The following PTPRR variants were observed in gnomAD, a reference collection of about 807,000 sequenced individuals.
PTPRR encodes the protein receptor-type tyrosine-protein phosphatase R.
In PTPRR, 38 loss-of-function variants were observed where a neutral mutation model predicts 77.2. That is an observed-to-expected ratio of 0.49 (90% CI 0.38 to 0.65). The LOEUF (loss-of-function observed/expected upper bound fraction) is 0.65. Among genes scored for constraint, PTPRR ranks in the 30% least tolerant of loss-of-function variants. The pLI, the probability that PTPRR is intolerant of heterozygous loss-of-function variation, is 0.00. For synonymous variants in PTPRR, 299 were observed against 283.1 expected (o/e 1.06, Z -0.57); for missense variants, 744 against 799.2 (o/e 0.93, Z 0.83).
intron 4 of PTPRR, among the ~76,000 whole-genome samples, chr12:70,757,075 T>C (rs1056006678): frequency 5.9e-5 from 9 of 152,230 alleles, no homozygotes; most frequent in East Asian, 1.9e-4. Flanking sequence ...TTAATATTGA[T>C]TGTATGTCTC....
intron 2 of PTPRR, among the ~76,000 whole-genome samples, chr12:70,859,358 T>C (rs1892709715): frequency 6.6e-6 from 1 of 152,038 alleles, no homozygotes; most frequent in East Asian, 1.9e-4. Flanking sequence ...TTCAGCAATC[T>C]CCAGGTGATT....
intron 1 of PTPRR, among the ~76,000 whole-genome samples, chr12:70,916,423 T>C (rs1234710978): frequency 6.6e-6 from 1 of 152,178 alleles, no homozygotes; most frequent in Non-Finnish European, 1.5e-5. Flanking sequence ...TATTGAGTGA[T>C]TTTCAATAGG....
intron 2 of PTPRR, among the ~76,000 whole-genome samples, chr12:70,810,998 CAA>C (rs2137030559): frequency 6.6e-6 from 1 of 152,114 alleles, no homozygotes; most frequent in East Asian, 1.9e-4. Context: ...AAGCGTTTAA[CAA>C]AAAGTCAGTG....
At chr12:70,790,075 C>A (rs939406729) in intron 2 of PTPRR, among the ~76,000 whole-genome samples, 9 of 152,098 alleles carry the variant, frequency 5.9e-5, no homozygotes, top group Admixed American at 5.9e-4. Context: ...TTAGTTCACC[C>A]TTTCTACTAG....
intron 2 of PTPRR, among the ~76,000 whole-genome samples, chr12:70,879,448 A>C (rs1893111135): frequency 6.6e-6 from 1 of 151,770 alleles, no homozygotes; most frequent in Admixed American, 6.6e-5. Flanking sequence ...GATTTTTCCC[A>C]CGATCTCAAA....
chr12:70,875,114 C>G (rs1288105358), intron 2 of PTPRR, among the ~76,000 whole-genome samples: 1 of 151,832 alleles, frequency 6.6e-6, no homozygotes, highest in Admixed American at 6.6e-5. Context: ...TATAACCATA[C>G]CATGAAGTAA....
intron 8 of PTPRR, chr12:70,685,000 T>A (rs2136736188): frequency 2.7e-6 from 1 of 367,258 alleles, no homozygotes; most frequent in African/African-American, 2.1e-5. Flanking sequence ...AAGCCTAAGC[T>A]GATGAGTTTA....
intron 13 of PTPRR, among the ~76,000 whole-genome samples, chr12:70,642,424 C>T (rs1340011923): frequency 6.6e-6 from 1 of 152,098 alleles, no homozygotes; most frequent in Non-Finnish European, 1.5e-5. Context: ...TCACTCCCAG[C>T]GTTGTGTCTC....
Position 70,866,687 on chromosome 12 carries a change from C to T in PTPRR, c.357+25992G>A, listed in dbSNP as rs895588273. ...ATCCTCCCTAACTCATTTTATGAGG[C>T]CAGCATCATCCTGATACCAATGCCT... On this transcript the variant is annotated intron_variant, in intron 2 of 13. Coordinates refer to ENST00000283228, the MANE Select transcript of PTPRR (RefSeq NM_002849.4). 3.9e-3 allele frequency among the ~76,000 whole-genome samples: 589 copies of T among 152,266 alleles called. 3 individuals carry two copies. Among genetic ancestry groups the T allele is most frequent in the African/African-American group, 0.013 (549 of 41,550 alleles).
intron 3 of PTPRR, 35 bp downstream of exon 3, chr12:70,764,630 T>C: frequency 6.5e-7 from 1 of 1,545,414 alleles, no homozygotes; most frequent in Non-Finnish European, 8.9e-7. Flanking sequence ...CACACACGGC[T>C]TGAATTTTGG....
At chr12:70,913,475 C>T (rs903383926) in intron 1 of PTPRR, among the ~76,000 whole-genome samples, 1 of 152,114 alleles carries the variant, frequency 6.6e-6, no homozygotes, top group Middle Eastern at 3.4e-3. Flanking sequence ...TTAGGAGTTC[C>T]GGGTCCATTC....
intron 2 of PTPRR, among the ~76,000 whole-genome samples, chr12:70,796,004 A>G (rs142865566): frequency 0.094 from 12,842 of 136,738 alleles, 593 homozygotes; most frequent in African/African-American, 0.11. Context: ...GTTCACTGCA[A>G]CTTCTGCCTC....
chr12:70,824,198 T>C (rs770072878), intron 2 of PTPRR, among the ~76,000 whole-genome samples: 2 of 152,166 alleles, frequency 1.3e-5, no homozygotes, highest in Non-Finnish European at 2.9e-5. Context: ...TGTGTTGTAG[T>C]TGCGTAATTA....
chr12:70,765,158 G>A (rs910234388), intron 2 of PTPRR, among the ~76,000 whole-genome samples: 9 of 152,148 alleles, frequency 5.9e-5, no homozygotes, highest in Admixed American at 2.6e-4. Context: ...GACAGTGGGC[G>A]CAGGACAGTG....
rs1473774445 is a variant in PTPRR at position 70,749,506 on chromosome 12, A to C, written c.739-3420T>G. 2.0e-5 allele frequency among the ~76,000 whole-genome samples: 3 copies of C among 152,086 alleles called. No individual in the cohort carries two copies. In the East Asian group the frequency reaches 5.8e-4, roughly 29 times the overall value. On this transcript the variant is annotated intron_variant, in intron 5 of 13. Transcript: ENST00000283228. ...GACAATTGTATTCTTCTTAATACAG[A>C]AAAAAAATTGAAAATTAATTTGAGA...
At chr12:70,863,383 G>T (rs1892786187) in intron 2 of PTPRR, among the ~76,000 whole-genome samples, 1 of 152,098 alleles carries the variant, frequency 6.6e-6, no homozygotes. Flanking sequence ...GTCCTGATGA[G>T]CAAGGAAGTC....
chr12:70,793,019 T>A (rs750413048), intron 2 of PTPRR, among the ~76,000 whole-genome samples: 1 of 152,126 alleles, frequency 6.6e-6, no homozygotes, highest in Non-Finnish European at 1.5e-5. Context: ...ACCAAAGAGA[T>A]CAGCAGTTTA....
intron 4 of PTPRR, among the ~76,000 whole-genome samples, chr12:70,760,700 G>T (rs540390512): frequency 1.3e-5 from 2 of 152,284 alleles, no homozygotes; most frequent in African/African-American, 4.8e-5. Context: ...CACCTTGAGG[G>T]AGTCACTTAA....
intron 2 of PTPRR, among the ~76,000 whole-genome samples, chr12:70,826,507 A>G (rs925795000): frequency 2.0e-5 from 3 of 152,170 alleles, no homozygotes; most frequent in Non-Finnish European, 4.4e-5. Context: ...TATAAATCAT[A>G]TAGAACCAAG....
Sources: gnomAD v4.1 joint callset for allele counts (sites outside exome capture counted in the v4.1 genomes callset) on GRCh38, gnomAD v4.1.1 for gene constraint, MANE v1.5 for transcripts, NCBI Gene and HGNC (gene_info 2026-07-23, HGNC 2026-07-21) for gene names.